Variants in KLHL25 observed in about 807,000 individuals in gnomAD.
KLHL25 encodes the protein kelch-like protein 25.
In KLHL25, 41 loss-of-function variants were observed where a neutral mutation model predicts 30.0. The observed-to-expected ratio is 1.37, with a 90% CI of 1.07 to 1.78. The LOEUF is 1.78. Ranked by LOEUF, KLHL25 falls within the 40% of genes most tolerant of loss-of-function variation. KLHL25 has a pLI of 0.00. For missense variants in KLHL25, 971 were observed against 824.5 expected (o/e 1.18, Z -2.18); for synonymous variants, 399 against 355.3 (o/e 1.12, Z -1.38).
At chr15:85,786,959 G>T (rs2089785237) in intron 1 of KLHL25, among the ~76,000 whole-genome samples, 2 of 152,176 alleles carry the variant, frequency 1.3e-5, no homozygotes, top group Admixed American at 6.5e-5. Flanking sequence ...TTTCACAGAT[G>T]AGTACCCAGC....
intron 2 of KLHL25, chr15:85,763,120 A>G (rs932631386): frequency 2.0e-5 from 3 of 152,420 alleles, no homozygotes; most frequent in Admixed American, 6.5e-5. Context: ...AAAGAGAGAG[A>G]AGGAGAGAAT....
intron 2 of KLHL25, chr15:85,763,005 C>G (rs1421007650): frequency 3.3e-5 from 5 of 150,766 alleles, no homozygotes; most frequent in African/African-American, 1.2e-4. Context: ...CAGCCGGATG[C>G]CTGCCTTGCA....
rs1330606928 is a variant in KLHL25, at chr15:85,768,817, C to G, written c.994G>C (p.Glu332Gln). The change falls in exon 2 of 3, where the codon GAG (glutamate) becomes CAG (glutamine). Residue 332 changes from glutamate to glutamine, a missense_variant. By Grantham distance (29) the Glu-to-Gln change is conservative. Coordinates refer to ENST00000337975, the MANE Select transcript of KLHL25 (RefSeq NM_022480.4). The stretch of plus-strand genomic sequence containing the variant: ...CAGCCGATCGCTGAGGCGCTGAACT[C>G]CTTCCGGGGGCTGGGCAGGTCGGCC... ...PKADLPSPRK[E>Q]FSASAIGCKV... 1.2e-6 allele frequency: 2 copies of G among 1,613,260 alleles called. No homozygotes were observed. Among genetic ancestry groups the G allele is most frequent in the African/African-American group, 1.3e-5 (1 of 74,954 alleles).
Position 85,769,833 on chromosome 15 carries a change from C to T in KLHL25, c.-10-13G>A. ...CATGGTGCGTCAGCTTGTGGGGGAA[C>T]AAGCCCACAGGTTAGAGGAGCCCCT... On this transcript the variant is annotated splice_polypyrimidine_tract_variant and intron_variant, in intron 1 of 2. Transcript: ENST00000337975. 6.3e-7 allele frequency: 1 copy of T among 1,590,488 alleles called. No homozygotes were observed. Among genetic ancestry groups the T allele is most frequent in the South Asian group, 1.1e-5 (1 of 90,220 alleles).
At position 85,769,288 on chromosome 15, in the gene KLHL25, G is replaced by A. The variant is rs1292660518; in HGVS notation, c.523C>T (p.His175Tyr). Residue 175 changes from histidine to tyrosine, a missense_variant, in exon 2 of 3, where the codon CAC (histidine) becomes TAC (tyrosine). Transcript: ENST00000337975. ...YEFSWRMCLV[H>Y]FETVRQSEDF... ...TCGCTCTGCCTCACCGTCTCAAAGT[G>A]CACCAGGCACATGCGCCAGGAGAAC... The A allele has an allele frequency of 3.1e-6, 5 of 1,614,028 alleles. No homozygotes were observed. Among genetic ancestry groups the A allele is most frequent in the Admixed American group, 3.3e-5 (2 of 60,026 alleles).
chr15:85,766,209 C>A (rs955085807), intron 2 of KLHL25, among the ~76,000 whole-genome samples: 1 of 152,246 alleles, frequency 6.6e-6, no homozygotes, highest in African/African-American at 2.4e-5. Context: ...CACCACCCAG[C>A]GCTGCAGGAT....
At chr15:85,772,910 G>A (rs1461914500) in intron 1 of KLHL25, among the ~76,000 whole-genome samples, 2 of 152,218 alleles carry the variant, frequency 1.3e-5, no homozygotes, top group Non-Finnish European at 2.9e-5. Context: ...CGCCAGCCTG[G>A]GGCACCTCTG....
intron 1 of KLHL25, among the ~76,000 whole-genome samples, chr15:85,793,366 T>C (rs577681497): frequency 6.6e-6 from 1 of 152,188 alleles, no homozygotes; most frequent in South Asian, 2.1e-4. Context: ...GACTCAAAAC[T>C]GAAATAGCTG....
rs747048239 is a variant in KLHL25 at position 85,769,637 on chromosome 15, G to C, written c.174C>G (p.Pro58=). 21 of 1,613,376 alleles carry C rather than the reference G, an allele frequency of 1.3e-5. No homozygotes were observed. The Middle Eastern group carries it at 8.2e-4, about 63-fold the overall frequency. The change falls in exon 2 of 3, where the codon CCC becomes CCG. Residue 58 remains proline (P), a synonymous_variant. Transcript: ENST00000337975. The part of the protein sequence containing the change: ...VTLWAGDRAF[P]CHRAVLAASS... ...AGGCGGCCAGCACGGCACGGTGACA[G>C]GGGAAGGCACGGTCGCCCGCCCAGA...
At chr15:85,766,232 C>A (rs1315186195) in intron 2 of KLHL25, among the ~76,000 whole-genome samples, 1 of 152,224 alleles carries the variant, frequency 6.6e-6, no homozygotes, top group East Asian at 1.9e-4. Flanking sequence ...TGGGAAGCGG[C>A]TGGGCTCCCT....
intron 1 of KLHL25, among the ~76,000 whole-genome samples, chr15:85,779,159 T>C (rs372727075): frequency 1.1e-4 from 16 of 151,834 alleles, no homozygotes; most frequent in African/African-American, 4.8e-5. Context: ...CAGGTGCAGA[T>C]AGATGCAGCC....
Sources: allele counts gnomAD v4.1 joint callset (sites outside exome capture counted in the v4.1 genomes callset), GRCh38; gene constraint gnomAD v4.1.1; transcripts MANE v1.5; gene names NCBI Gene and HGNC (gene_info 2026-07-23, HGNC 2026-07-21).